DSCAM: variants seen among roughly 807,000 people sequenced by gnomAD.
The protein encoded by DSCAM is cell adhesion molecule DSCAM.
A neutral mutation model predicts 217.7 loss-of-function variants in DSCAM; 47 were observed. The ratio of observed to expected loss-of-function variants is 0.22; its 90% CI spans 0.17 to 0.28. The LOEUF (loss-of-function observed/expected upper bound fraction) is 0.28, where lower values mean the gene tolerates loss of function less well. Among genes scored for constraint, DSCAM ranks in the 10% least tolerant of loss-of-function variants. The probability of loss-of-function intolerance (pLI) is 1.00; values close to 1 mark genes in which losing one functional copy is unlikely to be tolerated. For synonymous variants in DSCAM, 1,056 were observed against 1,015.3 expected (o/e 1.04, Z -0.76); for missense variants, 2,080 against 2,618.3 (o/e 0.79, Z 4.49).
chr21:40,820,775 C>T (rs1029218293), intron 1 of DSCAM, among the ~76,000 whole-genome samples: 1 of 152,092 alleles, frequency 6.6e-6, no homozygotes, highest in Non-Finnish European at 1.5e-5. Context: ...GGCCCTGAGC[C>T]TAACTCCATT....
At chr21:40,563,819 GTTATATGTTTATATATGT>G (rs1239545355) in intron 3 of DSCAM, among the ~76,000 whole-genome samples, 74 of 145,998 alleles carry the variant, frequency 5.1e-4, no homozygotes, top group African/African-American at 1.4e-3. Flanking sequence ...TGTATATATA[GTTATATGTTTATATATGT>G]TTATATGTTT....
chr21:40,276,325 GACA>G (rs2073687255), intron 10 of DSCAM, 55 bp from the exon 11 acceptor site: 2 of 1,507,886 alleles, frequency 1.3e-6, no homozygotes, highest in Admixed American at 4.1e-5. Context: ...AGTATGGGAA[GACA>G]ACGAGTTCAA....
chr21:40,302,585 A>T (rs1039165627), intron 9 of DSCAM, among the ~76,000 whole-genome samples: 1 of 152,220 alleles, frequency 6.6e-6, no homozygotes, highest in Non-Finnish European at 1.5e-5. Flanking sequence ...CTACATAATT[A>T]CATCACATCT....
At chr21:40,755,456 AAAAT>A (rs111388004) in intron 1 of DSCAM, among the ~76,000 whole-genome samples, 1 of 150,962 alleles carries the variant, frequency 6.6e-6, no homozygotes. Context: ...CACCTGCTAA[AAAAT>A]AAATAAAAAA....
rs995691233 is a variant in DSCAM at position 40,016,944 on chromosome 21, C to T, written c.5687-3558G>A. 8.5e-5 allele frequency among the ~76,000 whole-genome samples: 13 copies of T among 152,054 alleles called. No individual in the cohort carries two copies. Among genetic ancestry groups the T allele is most frequent in the Non-Finnish European group, 1.5e-4 (10 of 68,016 alleles). ...CAGCCAGGCCAAAATGGGGAAACCC[C>T]GTCTCTACTGAAAATAGAAAAATCA... On this transcript the variant is annotated intron_variant, in intron 32 of 32. Coordinates refer to ENST00000400454, the MANE Select transcript of DSCAM (RefSeq NM_001389.5). The surrounding 1 kb of genome is among the most constrained non-coding windows in gnomAD (Gnocchi z 4.3).
intron 16 of DSCAM, among the ~76,000 whole-genome samples, chr21:40,157,770 C>T (rs2090495497): frequency 6.6e-6 from 1 of 151,946 alleles, no homozygotes; most frequent in South Asian, 2.1e-4. Context: ...TCTCAGCTGA[C>T]TGCAGCCTCG....
rs548095192 is a variant in DSCAM at position 40,826,100 on chromosome 21, T to C, written c.43+20519A>G. On this transcript the variant is annotated intron_variant, in intron 1 of 32. Coordinates refer to ENST00000400454, the MANE Select transcript of DSCAM (RefSeq NM_001389.5). The stretch of plus-strand genomic sequence containing the variant: ...AAACTTCTAAGTATATGATTTTAAG[T>C]ACTCTGACTTCCACAAAGAAACCTG... Among the ~76,000 whole-genome samples the C allele has an allele frequency of 1.3e-3, 200 of 152,364 alleles. 2 individuals are homozygous for C. The highest frequency in any genetic ancestry group is 4.1e-3 in the African/African-American group (171 of 41,598).
intron 1 of DSCAM, among the ~76,000 whole-genome samples, chr21:40,750,514 C>A (rs2091217353): frequency 6.6e-6 from 1 of 152,126 alleles, no homozygotes; most frequent in African/African-American, 2.4e-5. Context: ...TGTACTCACT[C>A]CCTTTCTCCC....
chr21:40,087,010 G>A (rs2089541096), intron 22 of DSCAM, among the ~76,000 whole-genome samples, 160 bp downstream of exon 22: 1 of 152,232 alleles, frequency 6.6e-6, no homozygotes, highest in African/African-American at 2.4e-5. Flanking sequence ...CTAAAGCTGA[G>A]ATTCCTTCTC....
intron 3 of DSCAM, among the ~76,000 whole-genome samples, chr21:40,584,385 C>T (rs2076928013): frequency 6.6e-6 from 1 of 152,174 alleles, no homozygotes; most frequent in East Asian, 1.9e-4. Context: ...AGATGTGAAG[C>T]TGGAGTGTTA....
intron 15 of DSCAM, 133 bp downstream of exon 15, chr21:40,178,794 G>T: frequency 9.4e-7 from 1 of 1,068,958 alleles, no homozygotes. Flanking sequence ...ATAGGGCACA[G>T]AACTACGGAG....
intron 1 of DSCAM, among the ~76,000 whole-genome samples, chr21:40,711,825 C>T (rs922194551): frequency 3.9e-5 from 6 of 152,150 alleles, no homozygotes; most frequent in Non-Finnish European, 8.8e-5. Context: ...TCCCTCCACT[C>T]ATTCTGCCTT....
rs531639855 is a variant in DSCAM, at chr21:40,611,141, C to T, written c.508+81669G>A. On this transcript the variant is annotated intron_variant, in intron 3 of 32. Transcript: ENST00000400454. ...TGGCGCGATCTCGGCTCACTGCAAC[C>T]TCTGCCTCCCGGGTTCAAGCGATTC... Among the ~76,000 whole-genome samples, 3 of 148,486 alleles carry T rather than the reference C, an allele frequency of 2.0e-5. No individual in the cohort carries two copies. In the South Asian group the frequency reaches 6.4e-4, roughly 32 times the overall value.
chr21:40,056,203 A>G (rs2089019313), intron 28 of DSCAM, among the ~76,000 whole-genome samples: 1 of 152,210 alleles, frequency 6.6e-6, no homozygotes, highest in South Asian at 2.1e-4. Context: ...TATTCCAGTG[A>G]TGGTGAGGAA....
At chr21:40,078,151 T>C (rs2089395631) in intron 26 of DSCAM, among the ~76,000 whole-genome samples, 1 of 152,230 alleles carries the variant, frequency 6.6e-6, no homozygotes, top group Non-Finnish European at 1.5e-5. Context: ...GTGGCAAGTG[T>C]GTGTGAGTTT....
At chr21:40,530,824 G>A (rs1019352426) in intron 3 of DSCAM, among the ~76,000 whole-genome samples, 4 of 151,968 alleles carry the variant, frequency 2.6e-5, no homozygotes, top group South Asian at 2.1e-4. Context: ...GTCCACATCC[G>A]TGGTGTCCAT....
chr21:40,115,316 A>G (rs2089956410), intron 20 of DSCAM, among the ~76,000 whole-genome samples: 1 of 152,152 alleles, frequency 6.6e-6, no homozygotes, highest in Non-Finnish European at 1.5e-5. Context: ...TCGCAAGGAG[A>G]AAAAACCAAA....
chr21:40,499,710 C>A (rs868799817), intron 3 of DSCAM, among the ~76,000 whole-genome samples: 15 of 152,164 alleles, frequency 9.9e-5, no homozygotes, highest in African/African-American at 3.6e-4. Flanking sequence ...TTGAAAACTT[C>A]TCAGATGCAT....
At chr21:40,779,230 T>C (rs2091518409) in intron 1 of DSCAM, among the ~76,000 whole-genome samples, 1 of 152,016 alleles carries the variant, frequency 6.6e-6, no homozygotes, top group African/African-American at 2.4e-5. Flanking sequence ...GGCTGAAGTA[T>C]GAAAGAAGGA....
Sources: gnomAD v4.1 joint callset for allele counts (sites outside exome capture counted in the v4.1 genomes callset) on GRCh38, gnomAD v4.1.1 for gene constraint, Gnocchi (gnomAD v3.1) non-coding constraint, MANE v1.5 for transcripts, NCBI Gene and HGNC (gene_info 2026-07-23, HGNC 2026-07-21) for gene names.